Variants in CPD observed in about 807,000 individuals in gnomAD.
CPD encodes the protein carboxypeptidase D.
Under a neutral mutation model 138.3 loss-of-function variants are expected in CPD, and 69 were observed. That is an observed-to-expected ratio of 0.50 (90% confidence interval 0.41 to 0.61). The LOEUF (loss-of-function observed/expected upper bound fraction) is 0.61. Ranked by LOEUF, CPD falls within the 20% of genes least tolerant of loss-of-function variation. CPD has a pLI of 0.00. For missense variants in CPD, 1,432 were observed against 1,733.3 expected (o/e 0.83, Z 3.09); for synonymous variants, 651 against 642.1 (o/e 1.01, Z -0.21).
In CPD at chr17:30,467,102, T is replaced by G. The variant is rs1284563030; in HGVS notation, c.*2288T>G. The G allele has an allele frequency of 6.6e-6, 1 of 152,636 alleles. No homozygotes were observed. Among genetic ancestry groups the G allele is most frequent in the African/African-American group, 2.4e-5 (1 of 41,468 alleles). The allele number at this position is 152,636 out of a possible 1,614,324, so 9.5% of individuals were successfully genotyped here. A position where few individuals can be genotyped will look rare whatever the true frequency, so the allele number is the denominator to read the frequency against. On this transcript the variant is annotated 3_prime_UTR_variant, in exon 21 of 21. Coordinates refer to ENST00000225719, the MANE Select transcript of CPD (RefSeq NM_001304.5). Reference sequence around the variant, plus strand: ...GCGGGTCTAATCTAATATTAGAATATATTAACCGCTTAAGGCATTGAAGCC... The same window carrying G: ...GCGGGTCTAATCTAATATTAGAATAGATTAACCGCTTAAGGCATTGAAGCC...
In CPD at chr17:30,461,884, A is replaced by T. The variant is rs753378188; in HGVS notation, c.3638A>T (p.Lys1213Met). 6 of 1,597,270 alleles carry T rather than the reference A, an allele frequency of 3.8e-6. No individual in the cohort carries two copies. In the South Asian group the frequency reaches 6.8e-5, roughly 18 times the overall value. Reference protein sequence around the residue: ...SLLSMLVEVHKGVHGFVKDKT... With the variant: ...SLLSMLVEVHMGVHGFVKDKT... ...TTTTAAACATTTTTTCAGGTTCACA[A>T]GGGAGTTCATGGATTTGTTAAAGAT... The change falls in exon 19 of 21, where the codon AAG (lysine) becomes ATG (methionine). Residue 1213 changes from lysine (K) to methionine (M), a missense_variant. Lys to Met is a moderately conservative substitution (Grantham distance 95). Coordinates refer to ENST00000225719, the MANE Select transcript of CPD (RefSeq NM_001304.5).
intron 12 of CPD, among the ~76,000 whole-genome samples, chr17:30,446,824 C>T (rs1039801485): frequency 6.6e-5 from 10 of 152,200 alleles, no homozygotes; most frequent in African/African-American, 1.2e-4. Context: ...TCTCCACATC[C>T]TCTCCAGCAC....
intron 6 of CPD, among the ~76,000 whole-genome samples, 155 bp downstream of exon 6, chr17:30,423,852 G>T (rs1912333185): frequency 6.6e-6 from 1 of 152,034 alleles, no homozygotes; most frequent in Non-Finnish European, 1.5e-5. Context: ...CTTATATGAT[G>T]ATCTGGTCTG....
intron 8 of CPD, among the ~76,000 whole-genome samples, chr17:30,436,046 C>T (rs904385228): frequency 6.6e-6 from 1 of 152,158 alleles, no homozygotes; most frequent in East Asian, 1.9e-4. Context: ...CTGTAAGGAA[C>T]TTATTTTTAA....
intron 2 of CPD, among the ~76,000 whole-genome samples, chr17:30,393,462 C>T (rs1303180861): frequency 6.6e-6 from 1 of 151,850 alleles, no homozygotes; most frequent in Non-Finnish European, 1.5e-5. Context: ...TAATCTAAAA[C>T]AAAAAGGAAT....
At chr17:30,404,898 C>T (rs1242779645) in intron 2 of CPD, among the ~76,000 whole-genome samples, 2 of 152,016 alleles carry the variant, frequency 1.3e-5, no homozygotes, top group Admixed American at 1.3e-4. Flanking sequence ...ACTTTGTTGT[C>T]ATACTTAGAA....
intron 8 of CPD, among the ~76,000 whole-genome samples, chr17:30,436,828 C>T (rs1438517101): frequency 6.6e-6 from 1 of 152,140 alleles, no homozygotes; most frequent in African/African-American, 2.4e-5. Flanking sequence ...ATATTTGTAG[C>T]AGCATTATTC....
intron 10 of CPD, among the ~76,000 whole-genome samples, chr17:30,443,424 G>A (rs1912932932): frequency 6.6e-6 from 1 of 152,064 alleles, no homozygotes; most frequent in Non-Finnish European, 1.5e-5. Flanking sequence ...CAAGTTTCAT[G>A]CATTGCATTG....
At chr17:30,414,615 A>G (rs886601652) in intron 2 of CPD, among the ~76,000 whole-genome samples, 2 of 152,032 alleles carry the variant, frequency 1.3e-5, no homozygotes, top group African/African-American at 4.8e-5. Flanking sequence ...GCAGAAATAC[A>G]TGCAGAGAAA....
intron 10 of CPD, among the ~76,000 whole-genome samples, chr17:30,443,448 C>CT (rs1912934187): frequency 6.6e-6 from 1 of 152,120 alleles, no homozygotes; most frequent in Non-Finnish European, 1.5e-5. Flanking sequence ...TATTATATCT[C>CT]TTTACTATTC....
chr17:30,400,662 T>TTTC (rs1278448806), intron 2 of CPD, among the ~76,000 whole-genome samples: 2 of 128,284 alleles, frequency 1.6e-5, no homozygotes, highest in East Asian at 4.5e-4. Context: ...CTTTTTTTTT[T>TTTC]TTTTTTTTTT....
In CPD at chr17:30,379,880, C is replaced by T. The variant is rs1017877119; in HGVS notation, c.746+154C>T. On this transcript the variant is annotated intron_variant, in intron 1 of 20. Coordinates refer to ENST00000225719, the MANE Select transcript of CPD (RefSeq NM_001304.5). The surrounding 1 kb of genome is among the most constrained non-coding windows in gnomAD (Gnocchi z 7.0). ...TGTAACGGGGACAGGGCCCAGGCCG[C>T]GTAGCCTCCCGTCCTGCTAATCATC... Among the ~76,000 whole-genome samples, 7 of 152,170 alleles carry T rather than the reference C, an allele frequency of 4.6e-5. No homozygotes were observed. Among genetic ancestry groups the T allele is most frequent in the African/African-American group, 1.4e-4 (6 of 41,426 alleles).
intron 12 of CPD, among the ~76,000 whole-genome samples, chr17:30,449,161 T>C (rs1913102705): frequency 6.6e-6 from 1 of 151,896 alleles, no homozygotes; most frequent in African/African-American, 2.4e-5. Flanking sequence ...TAAGGGAGGT[T>C]ATCTATGTTC....
At chr17:30,440,756 TC>T (rs1393757790) in intron 9 of CPD, among the ~76,000 whole-genome samples, 96 of 147,834 alleles carry the variant, frequency 6.5e-4, no homozygotes, top group African/African-American at 2.3e-3. Context: ...TCTGTTCTGT[TC>T]CATTGATCTA....
intron 12 of CPD, 35 bp downstream of exon 12, chr17:30,446,055 T>C (rs778443981): frequency 5.1e-6 from 7 of 1,379,594 alleles, no homozygotes; most frequent in East Asian, 2.3e-5. Flanking sequence ...TTTTTTTTTT[T>C]CAAGACAGTA....
chr17:30,420,893 A>G lies in CPD; in HGVS notation c.1047A>G (p.Leu349=). The G allele has an allele frequency of 1.9e-6, 3 of 1,613,794 alleles. No homozygotes were observed. Among genetic ancestry groups the G allele is most frequent in the Non-Finnish European group, 2.5e-6 (3 of 1,179,740 alleles). Residue 349 remains leucine, a synonymous_variant, in exon 3 of 21, where the codon TTA becomes TTG. Coordinates refer to ENST00000225719, the MANE Select transcript of CPD (RefSeq NM_001304.5). ...YVWANCFEIT[L]ELSCCKYPPA... ...GGGCCAACTGTTTTGAGATCACATT[A>G]GAACTGTCTTGTTGCAAGTACCCAC...
At position 30,445,794 on chromosome 17, in the gene CPD, A is replaced by G. The variant is rs1913011427; in HGVS notation, c.2647A>G (p.Lys883Glu). The G allele has an allele frequency of 6.2e-7, 1 of 1,614,086 alleles. No individual in the cohort carries two copies. The highest frequency in any genetic ancestry group is 1.3e-5 in the African/African-American group (1 of 75,038). Residue 883 changes from lysine to glutamate, a missense_variant, in exon 12 of 21, where the codon AAA (lysine) becomes GAA (glutamate). Physicochemically the swap from Lys to Glu is moderately conservative, Grantham distance 56. Around this residue, in one of 6 missense-constraint regions of CPD, gnomAD observed 124 missense variants for 117.0 expected, o/e 1.06. Transcript: ENST00000225719. ...SSTDSNNESK[K>E]GKGASSSTND... ...AACAGATTCAAACAATGAATCAAAGAAAGGAAAAGGGGCTAGCAGCAGCAC... is the reference window on the plus strand; with the variant it reads ...AACAGATTCAAACAATGAATCAAAGGAAGGAAAAGGGGCTAGCAGCAGCAC...
chr17:30,398,610 G>GA (rs1244173903), intron 2 of CPD, among the ~76,000 whole-genome samples: 4 of 148,332 alleles, frequency 2.7e-5, no homozygotes, highest in African/African-American at 4.9e-5. Context: ...TTTGTGTTGA[G>GA]AAAAAAAAAA....
At chr17:30,420,408 A>G (rs1912235027) in intron 2 of CPD, among the ~76,000 whole-genome samples, 1 of 152,202 alleles carries the variant, frequency 6.6e-6, no homozygotes, top group African/African-American at 2.4e-5. Flanking sequence ...TCTGTTATAA[A>G]TCTTAATTTC....
Sources: allele counts gnomAD v4.1 joint callset (sites outside exome capture counted in the v4.1 genomes callset), GRCh38; gene constraint gnomAD v4.1.1; regional missense constraint gnomAD v4.1.1; non-coding constraint Gnocchi (gnomAD v3.1); transcripts MANE v1.5; gene names NCBI Gene and HGNC (gene_info 2026-07-23, HGNC 2026-07-21).